Variants in IQCE observed in about 807,000 individuals in gnomAD.
The protein encoded by IQCE is IQ motif containing E.
Under a neutral mutation model 96.0 loss-of-function variants are expected in IQCE, and 115 were observed. The observed-to-expected ratio is 1.20, with a 90% CI of 1.03 to 1.40. IQCE has a LOEUF of 1.40. Ranked by LOEUF, IQCE falls within the 40% of genes most tolerant of loss-of-function variation. The pLI is 0.00. For synonymous variants in IQCE, 412 were observed against 371.2 expected, an observed-to-expected ratio of 1.11 and a Z score of -1.26; for missense variants, 1,041 against 909.1, an observed-to-expected ratio of 1.15 and a Z score of -1.87.
At chr7:2,564,107 G>A (rs569056589) in intron 1 of IQCE, among the ~76,000 whole-genome samples, 1 of 152,102 alleles carries the variant, frequency 6.6e-6, no homozygotes, top group African/African-American at 2.4e-5. Flanking sequence ...AGCTACTGAG[G>A]AGGCTGAGGC....
At chr7:2,576,565 AATTTTTTGT>A (rs1456679578) in intron 6 of IQCE, among the ~76,000 whole-genome samples, 12 of 151,820 alleles carry the variant, frequency 7.9e-5, no homozygotes. Flanking sequence ...ACACCTGGCT[AATTTTTTGT>A]ATTTTTTGTA....
intron 2 of IQCE, among the ~76,000 whole-genome samples, chr7:2,567,834 C>T (rs2019204): frequency 0.39 from 59,128 of 152,126 alleles, 11,875 homozygotes; most frequent in Non-Finnish European, 0.44. Flanking sequence ...TCCACTGTCT[C>T]CCTCCAGGGA....
intron 6 of IQCE, among the ~76,000 whole-genome samples, chr7:2,577,053 C>G (rs1782181255): frequency 6.6e-6 from 1 of 152,188 alleles, no homozygotes; most frequent in Non-Finnish European, 1.5e-5. Context: ...CCTTCCACGT[C>G]CCCACCCACT....
Position 2,613,072 on chromosome 7 carries a change from T to C in IQCE, c.*2910T>C, listed in dbSNP as rs2128476981. 1 of 152,402 alleles carries C rather than the reference T, an allele frequency of 6.6e-6. No homozygotes were observed. Among genetic ancestry groups the C allele is most frequent in the South Asian group, 2.1e-4 (1 of 4,830 alleles). 9.4% of individuals were successfully genotyped at this position (152,402 alleles called of 1,614,324 possible). A position where few individuals can be genotyped will look rare whatever the true frequency, so the allele number is the denominator to read the frequency against. ...CTTCAAGAACAGCAGCAAAGCTGTA[T>C]CTGCTATCAGAGGCTGTTAGGTAGT... On this transcript the variant is annotated 3_prime_UTR_variant, in exon 22 of 22. Transcript: ENST00000402050.
At chr7:2,572,759 G>T (rs553065959) in intron 5 of IQCE, 58 of 455,984 alleles carry the variant, frequency 1.3e-4, no homozygotes, top group African/African-American at 1.0e-3. Context: ...GCCCAGGCTG[G>T]TCTCAAATTC....
chr7:2,560,560 C>T (rs572118615), intron 1 of IQCE, among the ~76,000 whole-genome samples: 1 of 152,372 alleles, frequency 6.6e-6, no homozygotes, highest in South Asian at 2.1e-4. Context: ...TGCCTGTCTA[C>T]ACTGGCCTTC....
chr7:2,569,130 C>T lies in IQCE; in HGVS notation c.130+131C>T, dbSNP rs145399775. On this transcript the variant is annotated intron_variant, in intron 3 of 21. Transcript: ENST00000402050. ...CCTCAGCCAGTTGGCCCCATTCCCA[C>T]TGGGGTCTCCCAGTTCGCGCTGGAG... is the stretch of plus-strand genomic sequence containing the variant. 2,537 of 817,850 alleles carry T rather than the reference C, an allele frequency of 3.1e-3. 8 individuals carry two copies. Among genetic ancestry groups the T allele is most frequent in the Non-Finnish European group, 4.5e-3 (2,277 of 502,374 alleles). 50.7% of individuals were successfully genotyped at this position (817,850 alleles called of 1,614,324 possible). A position where few individuals can be genotyped will look rare whatever the true frequency, so the allele number is the denominator to read the frequency against.
chr7:2,571,702 C>T lies in IQCE; in HGVS notation c.259+48C>T, dbSNP rs191282413. On this transcript the variant is annotated intron_variant, in intron 4 of 21. Coordinates refer to ENST00000402050, the MANE Select transcript of IQCE (RefSeq NM_152558.5). ...ACCCTTCCTGCTTGAGAGAAGAGTT[C>T]GAGAAATTTCAGGGAGTGGTTTGAG... 4.9e-5 allele frequency: 77 copies of T among 1,563,510 alleles called. No individual in the cohort carries two copies. In the Admixed American group the frequency reaches 1.2e-3, roughly 25 times the overall value.
intron 17 of IQCE, among the ~76,000 whole-genome samples, chr7:2,599,003 C>T (rs1784255804): frequency 6.6e-6 from 1 of 152,220 alleles, no homozygotes. Context: ...ACCTAACGGC[C>T]CTTCCTATTC....
intron 6 of IQCE, among the ~76,000 whole-genome samples, chr7:2,577,100 A>G (rs924086016): frequency 1.3e-5 from 2 of 152,166 alleles, no homozygotes; most frequent in African/African-American, 4.8e-5. Context: ...CTCACGTGAC[A>G]TCCAGATTTC....
chr7:2,572,370 G>GA (rs1781819856), intron 5 of IQCE, 44 bp downstream of exon 5: 2 of 1,595,714 alleles, frequency 1.3e-6, no homozygotes, highest in East Asian at 4.5e-5. Flanking sequence ...AGGAAGAGCA[G>GA]AAAGGAAAGG....
intron 17 of IQCE, among the ~76,000 whole-genome samples, chr7:2,601,105 C>G (rs984888266): frequency 6.6e-6 from 1 of 152,204 alleles, no homozygotes; most frequent in African/African-American, 2.4e-5. Context: ...ACATTGGGCC[C>G]ACATCCACCT....
intron 3 of IQCE, among the ~76,000 whole-genome samples, chr7:2,569,929 A>G (rs750449441): frequency 6.6e-6 from 1 of 152,174 alleles, no homozygotes; most frequent in Non-Finnish European, 1.5e-5. Flanking sequence ...TGGATTTTTG[A>G]TGTCCTTTCT....
At chr7:2,583,535 C>G (rs1272195558) in intron 9 of IQCE, 102 bp from the exon 10 acceptor site, 7 of 763,914 alleles carry the variant, frequency 9.2e-6, no homozygotes, top group Non-Finnish European at 1.4e-5. Context: ...TGGGTCTTTT[C>G]CAAAGCCTCT....
At position 2,559,103 on chromosome 7, in the gene IQCE, G is replaced by C; in HGVS notation, c.-79G>C. 1 of 889,854 alleles carries C rather than the reference G, an allele frequency of 1.1e-6. No homozygotes were observed. Among genetic ancestry groups the C allele is most frequent in the Middle Eastern group, 4.1e-4 (1 of 2,464 alleles). 55.1% of individuals were successfully genotyped at this position (889,854 alleles called of 1,614,324 possible). A position where few individuals can be genotyped will look rare whatever the true frequency, so the allele number is the denominator to read the frequency against. On this transcript the variant is annotated 5_prime_UTR_variant, in exon 1 of 22. Transcript: ENST00000402050. The stretch of plus-strand genomic sequence containing the variant: ...CAGGGAAGGCCCCGAGGCTGCGGGC[G>C]GCCAGGGCTGCCCGCGGATTCCCAG...
At chr7:2,593,189 G>A (rs77458018) in intron 15 of IQCE, 63 bp downstream of exon 15, 32,523 of 1,523,946 alleles carry the variant, frequency 0.021, 440 homozygotes, top group Non-Finnish European at 0.024. Context: ...CTACCACTGC[G>A]GCCCCCCGTG....
chr7:2,594,527 T>C (rs1783867820), intron 15 of IQCE, among the ~76,000 whole-genome samples: 1 of 152,266 alleles, frequency 6.6e-6, no homozygotes, highest in Non-Finnish European at 1.5e-5. Flanking sequence ...CCTAGAGGGT[T>C]GGGATCACAG....
intron 17 of IQCE, among the ~76,000 whole-genome samples, chr7:2,599,044 G>T (rs1784258486): frequency 6.6e-6 from 1 of 152,180 alleles, no homozygotes; most frequent in African/African-American, 2.4e-5. Flanking sequence ...TATGCCGCCT[G>T]CCGCTATCTG....
intron 1 of IQCE, among the ~76,000 whole-genome samples, chr7:2,560,719 A>G (rs1432585028): frequency 6.6e-6 from 1 of 151,908 alleles, no homozygotes. Flanking sequence ...GCACTTTGGG[A>G]GGCTGAGGTG....
Sources: allele counts gnomAD v4.1 joint callset (sites outside exome capture counted in the v4.1 genomes callset), GRCh38; gene constraint gnomAD v4.1.1; transcripts MANE v1.5; gene names NCBI Gene and HGNC (gene_info 2026-07-23, HGNC 2026-07-21).